NRG1: variants seen among roughly 807,000 people sequenced by gnomAD.
The protein encoded by NRG1 is neuregulin 1.
In NRG1, 18 loss-of-function variants were observed where a neutral mutation model predicts 63.8. That is an observed-to-expected ratio of 0.28 (90% CI 0.19 to 0.42). NRG1 has a LOEUF of 0.42. NRG1 is among the 10% of genes least tolerant of loss of function. The pLI is 1.00. For missense variants in NRG1, 762 were observed against 814.7 expected (o/e 0.94, Z 0.79); for synonymous variants, 302 against 301.3 (o/e 1.00, Z -0.02).
chr8:32,165,341 AC>A (rs139224784), intron 1 of NRG1, among the ~76,000 whole-genome samples: 2,008 of 152,146 alleles, frequency 0.013, 54 homozygotes, highest in African/African-American at 0.045. Context: ...ATAGAGTCTC[AC>A]TATGTTTACC....
chr8:32,154,612 A>T (rs2131851630), intron 1 of NRG1, among the ~76,000 whole-genome samples: 1 of 151,930 alleles, frequency 6.6e-6, no homozygotes, highest in East Asian at 1.9e-4. Flanking sequence ...GCGATTTTGA[A>T]TTCTAGCCAT....
intron 11 of NRG1, chr8:32,763,131 T>A: frequency 7.3e-7 from 1 of 1,378,322 alleles, no homozygotes; most frequent in African/African-American, 1.4e-5. Flanking sequence ...ACTAGTTGCA[T>A]TTCATGGAAA....
chr8:32,204,759 G>A (rs1176882135), intron 1 of NRG1, among the ~76,000 whole-genome samples: 1 of 152,122 alleles, frequency 6.6e-6, no homozygotes, highest in Non-Finnish European at 1.5e-5. Flanking sequence ...TCATCTTGAT[G>A]ATAGTTTTTG....
chr8:32,757,781 A>T (rs922491488), intron 9 of NRG1, among the ~76,000 whole-genome samples: 2 of 152,250 alleles, frequency 1.3e-5, no homozygotes, highest in African/African-American at 4.8e-5. Flanking sequence ...ACCTAAAAAT[A>T]ATACCTACTT....
At chr8:32,748,592 C>T (rs750282502) in intron 7 of NRG1, 3 of 390,100 alleles carry the variant, frequency 7.7e-6, no homozygotes, top group African/African-American at 6.6e-5. Context: ...TCCCAGCTGC[C>T]AGGATTGCTG....
intron 1 of NRG1, among the ~76,000 whole-genome samples, chr8:31,649,485 T>C (rs190172184): frequency 9.8e-5 from 15 of 152,316 alleles, no homozygotes; most frequent in Admixed American, 9.2e-4. Flanking sequence ...GTGTCTCTAA[T>C]TACACTGTCA....
rs372093807 is a variant in NRG1, at chr8:31,774,646, T to A, written c.37+135215T>A. On this transcript the variant is annotated intron_variant, in intron 1 of 10. Transcript: ENST00000519301. ...ATTTTCTCCAATTCTGTAGGTTGTC[T>A]CCTCACTCTATTGATTATTTCTGTT... Among the ~76,000 whole-genome samples the A allele has an allele frequency of 1.1e-4, 16 of 152,320 alleles. 1 individual carries two copies. The highest frequency in any genetic ancestry group is 3.6e-4 in the African/African-American group (15 of 41,568).
At chr8:32,009,160 G>C (rs547761167) in intron 1 of NRG1, among the ~76,000 whole-genome samples, 2 of 152,150 alleles carry the variant, frequency 1.3e-5, no homozygotes, top group South Asian at 4.1e-4. Flanking sequence ...AATTTGTGTT[G>C]TATAATATGA....
chr8:32,091,807 G>T (rs1288829882), intron 1 of NRG1, among the ~76,000 whole-genome samples: 2 of 152,100 alleles, frequency 1.3e-5, no homozygotes, highest in Admixed American at 6.5e-5. Flanking sequence ...GGCCAACCAG[G>T]GCTGGTGCAG....
intron 1 of NRG1, among the ~76,000 whole-genome samples, chr8:31,970,301 C>A (rs575387366): frequency 6.6e-6 from 1 of 152,130 alleles, no homozygotes; most frequent in Admixed American, 6.5e-5. Flanking sequence ...TGGTTCTTTA[C>A]GGCCACATAA....
chr8:31,793,415 C>A (rs887114978), intron 1 of NRG1, among the ~76,000 whole-genome samples: 4 of 152,174 alleles, frequency 2.6e-5, no homozygotes, highest in African/African-American at 9.7e-5. Context: ...GGGCTTCACT[C>A]AGTGACTAAT....
intron 1 of NRG1, among the ~76,000 whole-genome samples, chr8:32,402,257 A>G (rs1300019836): frequency 1.3e-5 from 2 of 152,046 alleles, no homozygotes; most frequent in African/African-American, 4.8e-5. Flanking sequence ...TACCCTTTGT[A>G]GCTCATTGTC....
chr8:32,447,222 A>G (rs1467068425), intron 1 of NRG1, among the ~76,000 whole-genome samples: 1 of 151,206 alleles, frequency 6.6e-6, no homozygotes, highest in Admixed American at 6.6e-5. Context: ...ACGGGGTTTC[A>G]CTATGTTGGC....
chr8:32,397,006 G>T (rs1812517559), intron 1 of NRG1, among the ~76,000 whole-genome samples: 2 of 151,916 alleles, frequency 1.3e-5, no homozygotes, highest in East Asian at 3.9e-4. Flanking sequence ...ACATCTTTAG[G>T]TGTTTGTTAG....
chr8:31,810,770 A>G (rs1285008147), intron 1 of NRG1, among the ~76,000 whole-genome samples: 2 of 152,216 alleles, frequency 1.3e-5, no homozygotes, highest in African/African-American at 4.8e-5. Flanking sequence ...TTGTTCTTCA[A>G]AATAGAAACA....
chr8:32,122,554 A>C (rs1361325922), intron 1 of NRG1, among the ~76,000 whole-genome samples: 1 of 152,014 alleles, frequency 6.6e-6, no homozygotes, highest in East Asian at 1.9e-4. Context: ...GAATTTTCCA[A>C]GGGTGTGTGA....
intron 1 of NRG1, among the ~76,000 whole-genome samples, chr8:31,835,343 G>A (rs565510539): frequency 4.6e-5 from 7 of 152,174 alleles, no homozygotes; most frequent in South Asian, 2.1e-4. Flanking sequence ...CTAGAATCTC[G>A]TCATTTAGAA....
intron 5 of NRG1, among the ~76,000 whole-genome samples, chr8:32,625,456 G>C (rs1462643964): frequency 1.3e-5 from 2 of 152,198 alleles, no homozygotes; most frequent in Non-Finnish European, 1.5e-5. Context: ...ACTACCTCTT[G>C]AGTGAATACC....
At chr8:32,394,078 G>T (rs1191408118) in intron 1 of NRG1, among the ~76,000 whole-genome samples, 1 of 151,878 alleles carries the variant, frequency 6.6e-6, no homozygotes, top group African/African-American at 2.4e-5. Context: ...CACTCTTTTG[G>T]CTCTTGTTTT....
Sources: gnomAD v4.1 joint callset for allele counts (sites outside exome capture counted in the v4.1 genomes callset) on GRCh38, gnomAD v4.1.1 for gene constraint, MANE v1.5 for transcripts, NCBI Gene and HGNC (gene_info 2026-07-23, HGNC 2026-07-21) for gene names.